The following TTLL5 variants were observed in gnomAD, a reference collection of about 807,000 sequenced individuals.
TTLL5 encodes the protein tubulin tyrosine ligase like 5.
Under a neutral mutation model 168.4 loss-of-function variants are expected in TTLL5, and 132 were observed. That is an observed-to-expected ratio of 0.78 (90% CI 0.68 to 0.91). TTLL5 has a LOEUF of 0.91. TTLL5 is among the 40% of genes least tolerant of loss of function. The pLI is 0.00. For synonymous variants in TTLL5, 546 were observed against 558.6 expected, an observed-to-expected ratio of 0.98 and a Z score of 0.32; for missense variants, 1,545 against 1,581.5, an observed-to-expected ratio of 0.98 and a Z score of 0.39.
At chr14:75,663,771 T>G (rs542515863) in intron 2 of TTLL5, among the ~76,000 whole-genome samples, 1 of 152,246 alleles carries the variant, frequency 6.6e-6, no homozygotes, top group East Asian at 1.9e-4. Context: ...AATTTCATGA[T>G]TACTGGATCA....
chr14:75,900,489 G>A lies in TTLL5; in HGVS notation c.3741-1653G>A, dbSNP rs536699395. ...CTTTGCTCTTTACCTACTAGCCAATGATGATATGAATCACCTGGGCACCTG... is the reference window on the plus strand; with the variant it reads ...CTTTGCTCTTTACCTACTAGCCAATAATGATATGAATCACCTGGGCACCTG... On this transcript the variant is annotated intron_variant, in intron 30 of 31. Coordinates refer to ENST00000298832, the MANE Select transcript of TTLL5 (RefSeq NM_015072.5). 1.8e-3 allele frequency among the ~76,000 whole-genome samples: 281 copies of A among 152,284 alleles called. 3 individuals carry two copies. The highest frequency in any genetic ancestry group is 6.3e-3 in the African/African-American group (261 of 41,538).
chr14:75,699,228 A>G lies in TTLL5; in HGVS notation c.543A>G (p.Pro181=). 6.2e-7 allele frequency: 1 copy of G among 1,614,062 alleles called. No individual in the cohort carries two copies. The highest frequency in any genetic ancestry group is 8.5e-7 in the Non-Finnish European group (1 of 1,179,956). ...SKDRGPWIVK[P]VASSRGRGVY... is the part of the protein sequence containing the mutation. The stretch of plus-strand genomic sequence containing the variant: ...ACCGGGGACCTTGGATAGTAAAACC[A>G]GTGGCATCTTCAAGGGGGCGGGGCG... The change falls in exon 7 of 32, where the codon CCA becomes CCG. Residue 181 remains proline (P), a synonymous_variant. Coordinates refer to ENST00000298832, the MANE Select transcript of TTLL5 (RefSeq NM_015072.5).
Position 75,859,941 on chromosome 14 carries a change from C to T in TTLL5, c.3327-3726C>T, listed in dbSNP as rs561784167. 2.2e-3 allele frequency among the ~76,000 whole-genome samples: 334 copies of T among 152,326 alleles called. 1 individual carries two copies. Among genetic ancestry groups the T allele is most frequent in the African/African-American group, 7.8e-3 (325 of 41,568 alleles). ...TGTAACTCAAAGCAAGCAAGTTTCT[C>T]GTGGCACTTATTACATTACACAGCT... On this transcript the variant is annotated intron_variant, in intron 28 of 31. Transcript: ENST00000298832.
At chr14:75,837,641 C>G (rs1287249743) in intron 28 of TTLL5, among the ~76,000 whole-genome samples, 1 of 152,078 alleles carries the variant, frequency 6.6e-6, no homozygotes, top group African/African-American at 2.4e-5. Flanking sequence ...GTGGTATTTT[C>G]TATCTATATG....
chr14:75,799,636 T>C (rs1008727667), intron 27 of TTLL5, among the ~76,000 whole-genome samples: 1 of 152,220 alleles, frequency 6.6e-6, no homozygotes, highest in African/African-American at 2.4e-5. Flanking sequence ...TAGAACTTTC[T>C]TTAGCAGTTT....
intron 2 of TTLL5, among the ~76,000 whole-genome samples, chr14:75,667,031 T>G (rs1293573504): frequency 6.6e-6 from 1 of 152,232 alleles, no homozygotes; most frequent in Non-Finnish European, 1.5e-5. Flanking sequence ...TTGGTGGGAA[T>G]ATGTTTTTCA....
chr14:75,714,565 T>G (rs1393458417), intron 9 of TTLL5, among the ~76,000 whole-genome samples: 1 of 152,208 alleles, frequency 6.6e-6, no homozygotes, highest in African/African-American at 2.4e-5. Context: ...CAATGCAGAC[T>G]CAAGCGTTCC....
intron 12 of TTLL5, among the ~76,000 whole-genome samples, chr14:75,730,776 G>A (rs969710494): frequency 6.6e-6 from 1 of 151,912 alleles, no homozygotes; most frequent in Non-Finnish European, 1.5e-5. Context: ...CTGGAGTGCA[G>A]TGGTGCGGTC....
chr14:75,699,410 G>A lies in TTLL5; in HGVS notation c.585+140G>A, dbSNP rs186134943. The A allele has an allele frequency of 2.6e-3, 2,027 of 779,178 alleles. 10 individuals carry two copies. Among genetic ancestry groups the A allele is most frequent in the Middle Eastern group, 4.3e-3 (19 of 4,396 alleles). The allele number at this position is 779,178 out of a possible 1,614,324, so 48.3% of individuals were successfully genotyped here. ...ATCTGCATTCAGAAGTGAGTTAAGCGTAGGTATAACTTGACTTGTTTGCCT... is the reference window on the plus strand; with the variant it reads ...ATCTGCATTCAGAAGTGAGTTAAGCATAGGTATAACTTGACTTGTTTGCCT... On this transcript the variant is annotated intron_variant, in intron 7 of 31. Coordinates refer to ENST00000298832, the MANE Select transcript of TTLL5 (RefSeq NM_015072.5).
At chr14:75,736,498 T>C (rs1442004981) in intron 15 of TTLL5, among the ~76,000 whole-genome samples, 3 of 152,202 alleles carry the variant, frequency 2.0e-5, no homozygotes, top group African/African-American at 7.2e-5. Flanking sequence ...AAGAGTGATA[T>C]GACTGAGGTA....
intron 9 of TTLL5, among the ~76,000 whole-genome samples, chr14:75,712,719 CACAG>C (rs201719996): frequency 0.021 from 3,233 of 152,122 alleles, 39 homozygotes; most frequent in South Asian, 0.04. Context: ...CTTTTCTCCA[CACAG>C]ACATTCAGAC....
chr14:75,787,476 C>T (rs937288677), intron 26 of TTLL5, among the ~76,000 whole-genome samples: 1 of 152,150 alleles, frequency 6.6e-6, no homozygotes, highest in Non-Finnish European at 1.5e-5. Flanking sequence ...AAAGTGTCTG[C>T]ACCTCATAAA....
At chr14:75,873,328 C>A (rs2031202655) in intron 29 of TTLL5, among the ~76,000 whole-genome samples, 1 of 152,152 alleles carries the variant, frequency 6.6e-6, no homozygotes, top group Non-Finnish European at 1.5e-5. Context: ...CCTGCCTTGG[C>A]CTCCCAAAGT....
intron 28 of TTLL5, 116 bp downstream of exon 28, chr14:75,820,277 C>T (rs1279668812): frequency 1.9e-5 from 21 of 1,083,272 alleles, no homozygotes; most frequent in Non-Finnish European, 2.5e-5. Flanking sequence ...TATGCCCTTT[C>T]TCCACCTGCC....
At chr14:75,906,314 A>ACTAAATCCTATC (rs893923105) in intron 31 of TTLL5, among the ~76,000 whole-genome samples, 48 of 151,866 alleles carry the variant, frequency 3.2e-4, no homozygotes, top group African/African-American at 1.1e-3. Context: ...GTCACATAAA[A>ACTAAATCCTATC]CCCCTGATTG....
At chr14:75,771,160 G>A (rs1462504457) in intron 20 of TTLL5, among the ~76,000 whole-genome samples, 2 of 152,128 alleles carry the variant, frequency 1.3e-5, no homozygotes, top group African/African-American at 4.8e-5. Flanking sequence ...CAGTGACTCA[G>A]GCCTATATGT....
At chr14:75,717,515 A>G (rs1049283126) in intron 9 of TTLL5, among the ~76,000 whole-genome samples, 6 of 152,062 alleles carry the variant, frequency 3.9e-5, no homozygotes, top group Non-Finnish European at 8.8e-5. Context: ...CATTCTTCCT[A>G]TTGGTGTAAT....
At chr14:75,793,473 C>T (rs890977932) in intron 27 of TTLL5, among the ~76,000 whole-genome samples, 30 of 152,198 alleles carry the variant, frequency 2.0e-4, no homozygotes, top group Non-Finnish European at 4.0e-4. Context: ...TATAACATTA[C>T]CCTTTAAAAA....
chr14:75,786,204 C>G (rs1892352097), intron 26 of TTLL5, among the ~76,000 whole-genome samples: 1 of 151,994 alleles, frequency 6.6e-6, no homozygotes, highest in Non-Finnish European at 1.5e-5. Flanking sequence ...ATTTAATTTT[C>G]TAAAATCGGT....
Sources: allele counts gnomAD v4.1 joint callset (sites outside exome capture counted in the v4.1 genomes callset), GRCh38; gene constraint gnomAD v4.1.1; transcripts MANE v1.5; gene names NCBI Gene and HGNC (gene_info 2026-07-23, HGNC 2026-07-21).